CPSF2: variants seen among roughly 807,000 people sequenced by gnomAD.
CPSF2 encodes the protein cleavage and polyadenylation specific factor 2.
A neutral mutation model predicts 84.2 loss-of-function variants in CPSF2; 51 were observed. The observed-to-expected ratio is 0.61, with a 90% CI of 0.48 to 0.77. The LOEUF (loss-of-function observed/expected upper bound fraction) is 0.77, where lower values mean the gene tolerates loss of function less well. Ranked by LOEUF, CPSF2 falls within the 30% of genes least tolerant of loss-of-function variation. CPSF2 has a pLI of 0.00. For synonymous variants in CPSF2, 286 were observed against 311.9 expected, an observed-to-expected ratio of 0.92 and a Z score of 0.87; for missense variants, 641 against 929.4, an observed-to-expected ratio of 0.69 and a Z score of 4.03.
rs1190436819 is a variant in CPSF2, at chr14:92,170,918, G to A, written c.*9174G>A. 2.0e-5 allele frequency: 3 copies of A among 151,846 alleles called. No individual in the cohort carries two copies. The highest frequency in any genetic ancestry group is 7.3e-5 in the African/African-American group (3 of 41,330). The allele number at this position is 151,846 out of a possible 1,614,324, so 9.4% of individuals were successfully genotyped here. A position where few individuals can be genotyped will look rare whatever the true frequency, so the allele number is the denominator to read the frequency against. ...TTTCTCCACTTGTATTTGTTTTTTG[G>A]TATAAACTTAAAAAGTACAGCATGA... On this transcript the variant is annotated 3_prime_UTR_variant, in exon 16 of 16. Coordinates refer to ENST00000298875, the MANE Select transcript of CPSF2 (RefSeq NM_017437.3).
At chr14:92,125,061 A>T (rs966149726) in intron 1 of CPSF2, among the ~76,000 whole-genome samples, 2 of 152,060 alleles carry the variant, frequency 1.3e-5, no homozygotes, top group Non-Finnish European at 2.9e-5. Flanking sequence ...GTCTTTTCTC[A>T]AGCAGTAAGA....
chr14:92,143,658 T>C (rs1349286721), intron 9 of CPSF2, among the ~76,000 whole-genome samples: 1 of 152,194 alleles, frequency 6.6e-6, no homozygotes, highest in African/African-American at 2.4e-5. Context: ...TAGTCTAGAG[T>C]GCAGTGGTGC....
Position 92,162,362 on chromosome 14 carries a change from C to T in CPSF2, c.*618C>T, listed in dbSNP as rs549001181. The T allele has an allele frequency of 1.3e-5, 2 of 152,608 alleles. No homozygotes were observed. The highest frequency in any genetic ancestry group is 2.4e-5 in the African/African-American group (1 of 41,520). 9.5% of individuals were successfully genotyped at this position (152,608 alleles called of 1,614,324 possible). A position where few individuals can be genotyped will look rare whatever the true frequency, so the allele number is the denominator to read the frequency against. On this transcript the variant is annotated 3_prime_UTR_variant, in exon 16 of 16. Transcript: ENST00000298875. Reference sequence around the variant, plus strand: ...AAATTAATTTTTATTTCTCCTATATCTTGTTTTATCAAGATTTTGTTGTGG... The same window carrying T: ...AAATTAATTTTTATTTCTCCTATATTTTGTTTTATCAAGATTTTGTTGTGG...
chr14:92,133,811 A>G (rs1004156910), intron 3 of CPSF2, among the ~76,000 whole-genome samples, 200 bp from the exon 4 acceptor site: 1 of 152,044 alleles, frequency 6.6e-6, no homozygotes, highest in East Asian at 1.9e-4. Context: ...ATTTAAGTGT[A>G]CCTTATACCA....
chr14:92,156,770 G>A, intron 12 of CPSF2, 139 bp downstream of exon 12: 2 of 513,384 alleles, frequency 3.9e-6, no homozygotes, highest in East Asian at 3.9e-5. Flanking sequence ...ATTTTTGTAT[G>A]AAGAGACTTG....
Position 92,122,018 on chromosome 14 carries a change from G to C in CPSF2, c.-204G>C. 1.6e-6 allele frequency: 1 copy of C among 616,412 alleles called. No homozygotes were observed. Among genetic ancestry groups the C allele is most frequent in the Non-Finnish European group, 2.8e-6 (1 of 352,166 alleles). 38.2% of individuals were successfully genotyped at this position (616,412 alleles called of 1,614,324 possible). ...GGCTGCCACTGTGGGGCTTCTGCCG[G>C]CCGGTAGTCCCTGGCGCTGCTGACC... On this transcript the variant is annotated 5_prime_UTR_variant, in exon 1 of 16. Transcript: ENST00000298875.
chr14:92,155,032 A>G, intron 10 of CPSF2, 91 bp from the exon 11 acceptor site: 1 of 817,920 alleles, frequency 1.2e-6, no homozygotes, highest in Non-Finnish European at 1.9e-6. Flanking sequence ...AATTAATAAT[A>G]TTGAGTATGG....
chr14:92,143,397 G>T, intron 9 of CPSF2, 103 bp downstream of exon 9: 1 of 845,428 alleles, frequency 1.2e-6, no homozygotes, highest in Non-Finnish European at 1.8e-6. Context: ...ATTGTTTTAG[G>T]ATTTTTATCA....
At chr14:92,129,374 G>A (rs2068886439) in intron 2 of CPSF2, among the ~76,000 whole-genome samples, 1 of 152,174 alleles carries the variant, frequency 6.6e-6, no homozygotes. Flanking sequence ...ACACATCGTT[G>A]ATAATTGATA....
At chr14:92,123,579 A>G (rs901973463) in intron 1 of CPSF2, among the ~76,000 whole-genome samples, 1 of 151,714 alleles carries the variant, frequency 6.6e-6, no homozygotes, top group African/African-American at 2.4e-5. Context: ...TTGTGTTTTT[A>G]GTAGAGAAGG....
intron 14 of CPSF2, 45 bp downstream of exon 14, chr14:92,159,327 T>C (rs1273105722): frequency 6.8e-7 from 1 of 1,481,308 alleles, no homozygotes; most frequent in South Asian, 1.3e-5. Context: ...GAATTTGTCA[T>C]CCTTCTAGTT....
intron 2 of CPSF2, among the ~76,000 whole-genome samples, chr14:92,126,673 C>G (rs149025166): frequency 6.6e-6 from 1 of 151,840 alleles, no homozygotes; most frequent in East Asian, 1.9e-4. Context: ...TGTGGTGGTG[C>G]GTGCCCGTAG....
At chr14:92,138,610 A>G (rs1248835172) in intron 7 of CPSF2, among the ~76,000 whole-genome samples, 1 of 151,932 alleles carries the variant, frequency 6.6e-6, no homozygotes, top group Non-Finnish European at 1.5e-5. Context: ...TTGTATTTTT[A>G]GTGGAGACAG....
chr14:92,158,869 A>C (rs1395856748), intron 13 of CPSF2, 114 bp from the exon 14 acceptor site: 2 of 969,486 alleles, frequency 2.1e-6, no homozygotes, highest in Non-Finnish European at 1.5e-6. Flanking sequence ...GATGAGTGAA[A>C]GATTTTCCAA....
At chr14:92,128,599 A>G (rs2068872883) in intron 2 of CPSF2, among the ~76,000 whole-genome samples, 1 of 152,218 alleles carries the variant, frequency 6.6e-6, no homozygotes, top group African/African-American at 2.4e-5. Flanking sequence ...AGAAGTACCT[A>G]GAGGAGCAAG....
At chr14:92,160,541 T>C (rs2069358489) in intron 14 of CPSF2, among the ~76,000 whole-genome samples, 1 of 152,120 alleles carries the variant, frequency 6.6e-6, no homozygotes, top group Admixed American at 6.5e-5. Context: ...ACCCTCAAAA[T>C]TGGGAGGAGG....
intron 6 of CPSF2, among the ~76,000 whole-genome samples, 191 bp downstream of exon 6, chr14:92,135,687 G>T (rs1306522745): frequency 6.6e-6 from 1 of 152,164 alleles, no homozygotes; most frequent in African/African-American, 2.4e-5. Context: ...AGACATAAGA[G>T]ATTTTAAAAA....
intron 7 of CPSF2, among the ~76,000 whole-genome samples, chr14:92,138,853 A>G (rs1413239457): frequency 6.6e-6 from 1 of 152,206 alleles, no homozygotes; most frequent in Admixed American, 6.5e-5. Context: ...AGCTGTGGAA[A>G]TGCATGGTAG....
intron 2 of CPSF2, among the ~76,000 whole-genome samples, chr14:92,129,288 A>G (rs1447719986): frequency 6.6e-6 from 1 of 152,188 alleles, no homozygotes; most frequent in African/African-American, 2.4e-5. Context: ...GGTGAGTATG[A>G]TCACAGTTCC....
Sources: gnomAD v4.1 joint callset for allele counts (sites outside exome capture counted in the v4.1 genomes callset) on GRCh38, gnomAD v4.1.1 for gene constraint, MANE v1.5 for transcripts, NCBI Gene and HGNC (gene_info 2026-07-23, HGNC 2026-07-21) for gene names.